Variants in NRG3 observed in about 807,000 individuals in gnomAD.
NRG3 encodes neuregulin 3, also known as pro-neuregulin-3, membrane-bound isoform.
Under a neutral mutation model 66.9 loss-of-function variants are expected in NRG3, and 31 were observed. That is an observed-to-expected ratio of 0.46 (90% CI 0.35 to 0.63). The LOEUF is 0.63. Ranked by LOEUF, NRG3 falls within the 20% of genes least tolerant of loss-of-function variation. The pLI is 0.00. For missense variants in NRG3, 910 were observed against 878.9 expected (o/e 1.04, Z -0.45); for synonymous variants, 393 against 359.4 (o/e 1.09, Z -1.06).
At chr10:82,748,940 A>C (rs1038861309) in intron 3 of NRG3, among the ~76,000 whole-genome samples, 6 of 152,086 alleles carry the variant, frequency 3.9e-5, no homozygotes, top group Non-Finnish European at 7.4e-5. Context: ...ACATTGAGAG[A>C]ATCGCTTTCC....
intron 2 of NRG3, among the ~76,000 whole-genome samples, chr10:82,695,965 A>G (rs2055349934): frequency 6.6e-6 from 1 of 152,142 alleles, no homozygotes; most frequent in Non-Finnish European, 1.5e-5. Flanking sequence ...ATGAAAAAGG[A>G]TGTACTAAAT....
At chr10:82,928,173 CT>C (rs1252165563) in intron 4 of NRG3, among the ~76,000 whole-genome samples, 1 of 151,890 alleles carries the variant, frequency 6.6e-6, no homozygotes, top group Non-Finnish European at 1.5e-5. Flanking sequence ...TATCCTTTGC[CT>C]ACTTTTTGAT....
chr10:81,969,514 G>C (rs1376815368), intron 1 of NRG3, among the ~76,000 whole-genome samples: 2 of 152,118 alleles, frequency 1.3e-5, no homozygotes, highest in African/African-American at 4.8e-5. Context: ...GGCATTTCTA[G>C]TCTGAGCTGA....
intron 3 of NRG3, among the ~76,000 whole-genome samples, chr10:82,751,306 T>G (rs2058854127): frequency 6.6e-6 from 1 of 152,124 alleles, no homozygotes; most frequent in African/African-American, 2.4e-5. Flanking sequence ...AGATTCCCAC[T>G]GTGCTTTAAA....
At chr10:82,678,970 A>G (rs1005965621) in intron 2 of NRG3, among the ~76,000 whole-genome samples, 12 of 152,212 alleles carry the variant, frequency 7.9e-5, no homozygotes, top group African/African-American at 2.4e-5. Flanking sequence ...GAGGTGGACA[A>G]TCTGACATTG....
In NRG3 at chr10:82,031,745, A is replaced by G. The variant is rs552445707; in HGVS notation, c.823+155582A>G. 1.1e-4 allele frequency among the ~76,000 whole-genome samples: 17 copies of G among 152,132 alleles called. No individual in the cohort carries two copies. The East Asian group carries it at 3.3e-3, about 30-fold the overall frequency. On this transcript the variant is annotated intron_variant, in intron 1 of 8. Coordinates refer to ENST00000372141, the MANE Select transcript of NRG3 (RefSeq NM_001010848.4). ...ATTCTTCAGCTCTCTTTAAGCATTG[A>G]TCTTTAGTCCTTATTAATTTCTCAT... is the stretch of plus-strand genomic sequence containing the variant.
intron 1 of NRG3, among the ~76,000 whole-genome samples, chr10:82,050,798 T>TCCTCTCTGTCTCTCCAGCCATGCCTCC (rs2063555391): frequency 1.3e-5 from 2 of 148,990 alleles, no homozygotes; most frequent in Non-Finnish European, 1.5e-5. Flanking sequence ...AGACTCCTCC[T>TCCTCTCTGTCTCTCCAGCCATGCCTCC]ACTCTCTGTC....
intron 2 of NRG3, among the ~76,000 whole-genome samples, chr10:82,457,312 T>A (rs1416222007): frequency 6.6e-6 from 1 of 152,148 alleles, no homozygotes; most frequent in African/African-American, 2.4e-5. Context: ...GATGAAACTG[T>A]TCCACCTCAA....
At chr10:82,426,985 T>TCATTGC (rs2089488433) in intron 2 of NRG3, among the ~76,000 whole-genome samples, 2 of 152,068 alleles carry the variant, frequency 1.3e-5, no homozygotes, top group Admixed American at 1.3e-4. Flanking sequence ...TTCAGATTGT[T>TCATTGC]CATTGCTAGT....
At chr10:82,683,957 A>C (rs1049581347) in intron 2 of NRG3, among the ~76,000 whole-genome samples, 2 of 152,230 alleles carry the variant, frequency 1.3e-5, no homozygotes, top group African/African-American at 4.8e-5. Context: ...ATTTGCCTGC[A>C]TGCTACTGAA....
chr10:81,919,301 A>T (rs764132035), intron 1 of NRG3, among the ~76,000 whole-genome samples: 7 of 152,162 alleles, frequency 4.6e-5, no homozygotes, highest in Admixed American at 6.5e-5. Flanking sequence ...AGCGCTGAAA[A>T]TCAGATGGAC....
intron 2 of NRG3, among the ~76,000 whole-genome samples, chr10:82,420,530 T>A (rs551087392): frequency 3.9e-5 from 6 of 152,164 alleles, no homozygotes; most frequent in Non-Finnish European, 8.8e-5. Flanking sequence ...CTAAGAAGTA[T>A]CTTTTCCTCC....
chr10:82,278,712 T>C (rs913447718), intron 1 of NRG3, among the ~76,000 whole-genome samples: 2 of 152,148 alleles, frequency 1.3e-5, no homozygotes, highest in African/African-American at 2.4e-5. Flanking sequence ...CTGGTCCTTT[T>C]CTCTTTTGAC....
intron 1 of NRG3, among the ~76,000 whole-genome samples, chr10:82,035,941 A>G (rs1397981032): frequency 1.3e-5 from 2 of 152,142 alleles, no homozygotes; most frequent in African/African-American, 4.8e-5. Flanking sequence ...AGGTCTTACA[A>G]TATCATGAGG....
intron 1 of NRG3, among the ~76,000 whole-genome samples, chr10:82,211,892 T>C (rs1191531961): frequency 1.3e-5 from 2 of 152,158 alleles, no homozygotes; most frequent in African/African-American, 4.8e-5. Flanking sequence ...TGCAGTGTAC[T>C]GTGTCTCCTC....
chr10:82,591,626 T>C (rs973532408), intron 2 of NRG3, among the ~76,000 whole-genome samples: 1 of 152,204 alleles, frequency 6.6e-6, no homozygotes, highest in Non-Finnish European at 1.5e-5. Context: ...GCGTCAACAC[T>C]GTTAAATAAA....
Position 82,294,572 on chromosome 10 carries a change from C to T in NRG3, c.824-64167C>T, listed in dbSNP as rs146959058. On this transcript the variant is annotated intron_variant, in intron 1 of 8. Transcript: ENST00000372141. The stretch of plus-strand genomic sequence containing the variant: ...AGTCATCCTTAAGGAAGTGTTTGAT[C>T]CCTCTTTCTTGTTACATATAAAGAC... 4.7e-3 allele frequency among the ~76,000 whole-genome samples: 718 copies of T among 152,156 alleles called. 6 individuals carry two copies. The highest frequency in any genetic ancestry group is 0.017 in the African/African-American group (688 of 41,518).
At chr10:81,919,887 A>G (rs1339662729) in intron 1 of NRG3, among the ~76,000 whole-genome samples, 2 of 152,182 alleles carry the variant, frequency 1.3e-5, no homozygotes, top group Non-Finnish European at 2.9e-5. Context: ...CCTGCCGTCA[A>G]TTGTGTTTTA....
chr10:82,937,435 C>A (rs1214504620), intron 4 of NRG3, among the ~76,000 whole-genome samples: 1 of 152,216 alleles, frequency 6.6e-6, no homozygotes, highest in African/African-American at 2.4e-5. Context: ...CAGATCTGTG[C>A]TTTCCGACTA....
Sources: gnomAD v4.1 joint callset for allele counts (sites outside exome capture counted in the v4.1 genomes callset) on GRCh38, gnomAD v4.1.1 for gene constraint, MANE v1.5 for transcripts, NCBI Gene and HGNC (gene_info 2026-07-23, HGNC 2026-07-21) for gene names.